The following ZNF28 variants were observed in gnomAD, a reference collection of about 807,000 sequenced individuals.
ZNF28 encodes the protein zinc finger protein KOX24.
A neutral mutation model predicts 7.2 loss-of-function variants in ZNF28; 5 were observed. The ratio of observed to expected loss-of-function variants is 0.70; its 90% CI spans 0.36 to 1.46. ZNF28 has a LOEUF of 1.46. Ranked by LOEUF, ZNF28 falls within the 40% of genes most tolerant of loss-of-function variation. The probability of loss-of-function intolerance (pLI) is 0.03; values close to 1 mark genes in which losing one functional copy is unlikely to be tolerated. For missense variants in ZNF28, 879 were observed against 866.6 expected, an observed-to-expected ratio of 1.01 and a Z score of -0.18; for synonymous variants, 288 against 292.4, an observed-to-expected ratio of 0.99 and a Z score of 0.15.
chr19:52,804,685 A>G (rs1427389993), intron 3 of ZNF28, among the ~76,000 whole-genome samples: 2 of 152,098 alleles, frequency 1.3e-5, no homozygotes, highest in Non-Finnish European at 2.9e-5. Flanking sequence ...TTTGGCATTT[A>G]GTAAATTCGA....
At chr19:52,811,786 C>T (rs1457243139) in intron 2 of ZNF28, among the ~76,000 whole-genome samples, 85 of 148,000 alleles carry the variant, frequency 5.7e-4, no homozygotes, top group Non-Finnish European at 9.9e-4. Context: ...CCCGCCCGGC[C>T]AGCCGCCCCG....
chr19:52,813,328 T>C (rs1345370351), intron 2 of ZNF28, among the ~76,000 whole-genome samples: 1 of 146,014 alleles, frequency 6.8e-6, no homozygotes, highest in African/African-American at 2.5e-5. Context: ...GGACCTGTTT[T>C]GGGGAGCAGG....
intron 2 of ZNF28, among the ~76,000 whole-genome samples, chr19:52,813,453 A>T (rs2063082070): frequency 8.4e-6 from 1 of 119,084 alleles, no homozygotes. Context: ...TCGCCCCCGT[A>T]GGGGCTGCTC....
chr19:52,809,995 C>A lies in ZNF28; in HGVS notation c.16-1862G>T, dbSNP rs1417480730. 4.8e-5 allele frequency: 37 copies of A among 764,668 alleles called. No individual in the cohort carries two copies. The Admixed American group carries it at 7.4e-4, about 15-fold the overall frequency. 47.4% of individuals were successfully genotyped at this position (764,668 alleles called of 1,614,324 possible). ...GGCCTGGAGTCTGAGGAACTGGAGC[C>A]TGAGGAGCTGCTGTTGGAGCCGGAG... On this transcript the variant is annotated intron_variant, in intron 2 of 3. Coordinates refer to ENST00000457749, the MANE Select transcript of ZNF28 (RefSeq NM_006969.5).
At chr19:52,813,909 A>T (rs1186978767) in intron 2 of ZNF28, among the ~76,000 whole-genome samples, 1 of 146,106 alleles carries the variant, frequency 6.8e-6, no homozygotes, top group African/African-American at 2.7e-5. Context: ...AAGTGGGAAC[A>T]GGGAGGTGGG....
intron 2 of ZNF28, chr19:52,810,756 A>G (rs371578865): frequency 2.2e-4 from 119 of 535,060 alleles, no homozygotes; most frequent in Admixed American, 8.5e-4. Context: ...AAAGAAGGGG[A>G]AAAAAAAAGA....
In ZNF28 at chr19:52,799,351, T is replaced by C. The variant is rs2062832466; in HGVS notation, c.*337A>G. 3 of 542,806 alleles carry C rather than the reference T, an allele frequency of 5.5e-6. No homozygotes were observed. The highest frequency in any genetic ancestry group is 1.9e-5 in the African/African-American group (1 of 52,556). The allele number at this position is 542,806 out of a possible 1,614,324, so 33.6% of individuals were successfully genotyped here. On this transcript the variant is annotated 3_prime_UTR_variant, in exon 4 of 4. Transcript: ENST00000457749. ...AAAATCTTGTCATAAACCTTACATC[T>C]GTGTGGTTTCTCTTCAGCATGCATT...
At position 52,801,371 on chromosome 19, in the gene ZNF28, C is replaced by A. The variant is rs775339660; in HGVS notation, c.474G>T (p.Gly158=). The change falls in exon 4 of 4, where the codon GGG becomes GGT. Residue 158 remains glycine (G), a synonymous_variant. Coordinates refer to ENST00000457749, the MANE Select transcript of ZNF28 (RefSeq NM_006969.5). The stretch of plus-strand genomic sequence containing the variant: ...ACTTCTCAACTTGATTACCAATTTT[C>A]CCTTCAGGCTGAAATATGTGCAGTT... ...LPELHIFQPE[G]KIGNQVEKSI... The A allele has an allele frequency of 6.2e-7, 1 of 1,614,182 alleles. No individual in the cohort carries two copies. Among genetic ancestry groups the A allele is most frequent in the East Asian group, 2.2e-5 (1 of 44,880 alleles).
rs1022966775 is a variant in ZNF28 at position 52,809,743 on chromosome 19, T to C, written c.16-1610A>G. The C allele has an allele frequency of 3.3e-5, 14 of 425,730 alleles. No individual in the cohort carries two copies. The Admixed American group carries it at 4.8e-4, about 15-fold the overall frequency. 26.4% of individuals were successfully genotyped at this position (425,730 alleles called of 1,614,324 possible). A position where few individuals can be genotyped will look rare whatever the true frequency, so the allele number is the denominator to read the frequency against. ...ACGCTTTAACCCAGGAGGAGGGGGT[T>C]GCAGTGAGCTGAGATCATGCCACTT... On this transcript the variant is annotated intron_variant, in intron 2 of 3. Coordinates refer to ENST00000457749, the MANE Select transcript of ZNF28 (RefSeq NM_006969.5).
chr19:52,818,565 T>C (rs1162316059), intron 1 of ZNF28, among the ~76,000 whole-genome samples: 1 of 151,938 alleles, frequency 6.6e-6, no homozygotes, highest in Non-Finnish European at 1.5e-5. Context: ...ATACAAAAAG[T>C]AGCCGGGCTT....
intron 2 of ZNF28, chr19:52,809,933 G>A (rs897552191): frequency 2.2e-5 from 19 of 861,062 alleles, no homozygotes; most frequent in African/African-American, 5.0e-5. Context: ...GGGAGGCCGG[G>A]GAGGTTGCCC....
chr19:52,811,541 A>G lies in ZNF28; in HGVS notation c.16-3408T>C, dbSNP rs1252674586. 1.5e-3 allele frequency among the ~76,000 whole-genome samples: 202 copies of G among 133,600 alleles called. 1 individual carries two copies. The highest frequency in any genetic ancestry group is 4.5e-3 in the Middle Eastern group (1 of 224). The allele number at this position is 133,600 out of a possible 152,430, so 87.6% of individuals were successfully genotyped here. ...GAGATGTGGGGAGCACCTCTGCCCC[A>G]CCGCCCTGTCTGGGATGTGAGGAGC... On this transcript the variant is annotated intron_variant, in intron 2 of 3. Coordinates refer to ENST00000457749, the MANE Select transcript of ZNF28 (RefSeq NM_006969.5).
chr19:52,810,096 G>A (rs1179087453), intron 2 of ZNF28: 84 of 786,898 alleles, frequency 1.1e-4, no homozygotes, highest in South Asian at 6.9e-4. Flanking sequence ...AGGAGCCACC[G>A]GCAGCCAAGA....
rs538229151 is a variant in ZNF28 at position 52,804,943 on chromosome 19, G to A, written c.142+3064C>T. Among the ~76,000 whole-genome samples the A allele has an allele frequency of 1.2e-4, 18 of 152,286 alleles. 1 individual carries two copies. In the East Asian group the frequency reaches 3.5e-3, roughly 29 times the overall value. The stretch of plus-strand genomic sequence containing the variant: ...CTGTACTGTAAAACTTGCAATACTT[G>A]AAGCCATCTAATAGCACTAACATGT... On this transcript the variant is annotated intron_variant, in intron 3 of 3. Coordinates refer to ENST00000457749, the MANE Select transcript of ZNF28 (RefSeq NM_006969.5).
chr19:52,813,249 G>GAAAAAAAAGAAA (rs2063076863), intron 2 of ZNF28, among the ~76,000 whole-genome samples: 1 of 62,984 alleles, frequency 1.6e-5, no homozygotes, highest in Non-Finnish European at 2.8e-5. Context: ...CTTGAATGGT[G>GAAAAAAAAGAAA]AAAAAAAAAA....
rs748423473 is a variant in ZNF28 at position 52,808,149 on chromosome 19, A to G, written c.16-16T>C. 1.2e-6 allele frequency: 2 copies of G among 1,611,692 alleles called. No homozygotes were observed. The highest frequency in any genetic ancestry group is 1.7e-6 in the Non-Finnish European group (2 of 1,178,628). On this transcript the variant is annotated splice_polypyrimidine_tract_variant and intron_variant, in intron 2 of 3. Coordinates refer to ENST00000457749, the MANE Select transcript of ZNF28 (RefSeq NM_006969.5). ...TCAATAGACCCTGAAATGGAAACAC[A>G]TTTTAACCAAATGGTTATGGTGGAG...
intron 2 of ZNF28, among the ~76,000 whole-genome samples, chr19:52,816,785 C>A (rs1568661155): frequency 6.6e-6 from 1 of 151,608 alleles, no homozygotes; most frequent in Admixed American, 6.6e-5. Flanking sequence ...AAGCTGAGAT[C>A]ATGCCACTGC....
rs1342879741 is a variant in ZNF28 at position 52,799,376 on chromosome 19, T to A, written c.*312A>T. On this transcript the variant is annotated 3_prime_UTR_variant, in exon 4 of 4. Transcript: ENST00000457749. ...TGTGTGGTTTCTCTTCAGCATGCAT[T>A]TTCTTATGTGTTTCAAGGTTTGATT... 3.4e-6 allele frequency: 2 copies of A among 584,750 alleles called. No individual in the cohort carries two copies. The highest frequency in any genetic ancestry group is 3.1e-6 in the Non-Finnish European group (1 of 322,512). 36.2% of individuals were successfully genotyped at this position (584,750 alleles called of 1,614,324 possible).
intron 1 of ZNF28, among the ~76,000 whole-genome samples, chr19:52,818,471 G>A (rs1049192272): frequency 9.9e-5 from 15 of 152,086 alleles, no homozygotes; most frequent in African/African-American, 3.6e-4. Context: ...CCAACACTCT[G>A]AAAGGCCGAG....
Sources: allele counts gnomAD v4.1 joint callset (sites outside exome capture counted in the v4.1 genomes callset), GRCh38; gene constraint gnomAD v4.1.1; transcripts MANE v1.5; gene names NCBI Gene and HGNC (gene_info 2026-07-23, HGNC 2026-07-21).